The following KCNQ2 variants were observed in gnomAD, a reference collection of about 807,000 sequenced individuals.
KCNQ2 encodes the protein potassium voltage-gated channel subfamily KQT member 2.
In KCNQ2, 14 loss-of-function variants were observed where a neutral mutation model predicts 84.8. That is an observed-to-expected ratio of 0.17 (90% CI 0.11 to 0.26). The LOEUF (loss-of-function observed/expected upper bound fraction) is 0.26. KCNQ2 is among the 10% of genes least tolerant of loss of function. The probability of loss-of-function intolerance (pLI) is 1.00; values close to 1 mark genes in which losing one functional copy is unlikely to be tolerated. For synonymous variants in KCNQ2, 599 were observed against 554.1 expected, an observed-to-expected ratio of 1.08 and a Z score of -1.14; for missense variants, 788 against 1,254.0, an observed-to-expected ratio of 0.63 and a Z score of 5.61.
At chr20:63,429,097 G>A (rs758393371) in intron 9 of KCNQ2, among the ~76,000 whole-genome samples, 12 of 151,642 alleles carry the variant, frequency 7.9e-5, no homozygotes, top group East Asian at 3.9e-4. Flanking sequence ...GTCCGGGCCC[G>A]CCGAAGCCCC....
At chr20:63,439,540 C>T in intron 6 of KCNQ2, 58 bp downstream of exon 6, 1 of 1,334,418 alleles carries the variant, frequency 7.5e-7, no homozygotes, top group Non-Finnish European at 1.1e-6. Flanking sequence ...CTGTGGTCAC[C>T]TCGGGAGCCT....
chr20:63,406,841 A>G lies in KCNQ2; in HGVS notation c.2422T>C (p.Ser808Pro). 1 of 1,612,402 alleles carries G rather than the reference A, an allele frequency of 6.2e-7. No individual in the cohort carries two copies. ...LERSFSGFSI[S>P]QSKENLDALN... ...GCATCCAGGTTCTCCTTGGACTGGG[A>G]GATGCTGAAGCCGCTGAAGGAACGC... The change falls in exon 17 of 17, where the codon TCC becomes CCC. Residue 808 changes from serine (S) to proline (P), a missense_variant. Coordinates refer to ENST00000359125, the MANE Select transcript of KCNQ2 (RefSeq NM_172107.4).
At chr20:63,419,591 T>C (rs1206845395) in intron 12 of KCNQ2, 28 bp downstream of exon 12, 1 of 1,599,744 alleles carries the variant, frequency 6.3e-7, no homozygotes, top group Non-Finnish European at 8.5e-7. Flanking sequence ...GCAGCAGCCG[T>C]CAGTCCGTGC....
At chr20:63,428,903 A>T (rs1568907091) in intron 9 of KCNQ2, among the ~76,000 whole-genome samples, 1 of 152,096 alleles carries the variant, frequency 6.6e-6, no homozygotes, top group Non-Finnish European at 1.5e-5. Context: ...GATACAGAAA[A>T]GGATTCTGCT....
At chr20:63,462,089 G>A (rs1270471069) in intron 1 of KCNQ2, among the ~76,000 whole-genome samples, 1 of 133,782 alleles carries the variant, frequency 7.5e-6, no homozygotes, top group Non-Finnish European at 1.6e-5. Flanking sequence ...CCAGGGAGCA[G>A]GGAAGAGGCT....
At chr20:63,470,636 G>A (rs1333877941) in intron 1 of KCNQ2, among the ~76,000 whole-genome samples, 2 of 152,220 alleles carry the variant, frequency 1.3e-5, no homozygotes, top group East Asian at 3.9e-4. Context: ...CAGACGCAGA[G>A]CGGGGCGCTG....
Position 63,408,826 on chromosome 20 carries a change from C to T in KCNQ2, c.1764-290G>A, listed in dbSNP as rs1208278613. ...ACCAGGGCCGAGTCGCCCGGCTCCTCTCCGTGGGCTCCCGGCTCCATACCG... is the reference window on the plus strand; with the variant it reads ...ACCAGGGCCGAGTCGCCCGGCTCCTTTCCGTGGGCTCCCGGCTCCATACCG... On this transcript the variant is annotated intron_variant, in intron 15 of 16. Coordinates refer to ENST00000359125, the MANE Select transcript of KCNQ2 (RefSeq NM_172107.4). This position sits in a 1 kb window ranked among gnomAD's most constrained non-coding sequence, Gnocchi z 5.0. Among the ~76,000 whole-genome samples the T allele has an allele frequency of 6.6e-6, 1 of 152,198 alleles. No homozygotes were observed. Among genetic ancestry groups the T allele is most frequent in the Non-Finnish European group, 1.5e-5 (1 of 68,020 alleles).
chr20:63,443,179 TCACCATCAC>T (rs1471439367), intron 4 of KCNQ2, among the ~76,000 whole-genome samples: 2 of 54,036 alleles, frequency 3.7e-5, no homozygotes, highest in Admixed American at 2.0e-4. Context: ...CACATCACCA[TCACCATCAC>T]CACCACCACC....
rs751793379 is a variant in KCNQ2, at chr20:63,415,109, T to C, written c.1319A>G (p.Lys440Arg). The C allele has an allele frequency of 6.2e-7, 1 of 1,600,596 alleles. No homozygotes were observed. The highest frequency in any genetic ancestry group is 8.5e-7 in the Non-Finnish European group (1 of 1,179,634). Residue 440 changes from lysine (K) to arginine (R), a missense_variant, in exon 13 of 17, where the codon AAA becomes AGA. Physicochemically the swap from Lys to Arg is conservative, Grantham distance 26. This residue lies in a region of KCNQ2 where 202 missense variants were observed against 239.4 expected (regional missense o/e 0.84). Coordinates refer to ENST00000359125, the MANE Select transcript of KCNQ2 (RefSeq NM_172107.4). Reference protein sequence around the residue: ...PGRSSQKVSLKDRVFSSPRGV... With the variant: ...PGRSSQKVSLRDRVFSSPRGV... ...TCGGGGGCTGGAGAAGACACGATCT[T>C]TCAAACTGACCTTCTGGCTGCTCCC...
intron 11 of KCNQ2, among the ~76,000 whole-genome samples, chr20:63,421,479 C>T (rs570663148): frequency 6.6e-5 from 10 of 152,214 alleles, no homozygotes; most frequent in African/African-American, 2.2e-4. Flanking sequence ...CCCTGGGGTC[C>T]GCAGCTGGCA....
intron 1 of KCNQ2, among the ~76,000 whole-genome samples, chr20:63,450,766 C>T (rs2081590620): frequency 6.6e-6 from 1 of 151,856 alleles, no homozygotes; most frequent in Admixed American, 6.6e-5. Flanking sequence ...CTAACTCCAT[C>T]TTAGGAAAAG....
At position 63,406,151 on chromosome 20, in the gene KCNQ2, G is replaced by A. The variant is rs928384203; in HGVS notation, c.*493C>T. Reference sequence around the variant, plus strand: ...AAGGCAGAGGCCACGCACAGCGGCCGGCCACACCCGCCTGTAGCTGCCCGG... The same window carrying A: ...AAGGCAGAGGCCACGCACAGCGGCCAGCCACACCCGCCTGTAGCTGCCCGG... On this transcript the variant is annotated 3_prime_UTR_variant, in exon 17 of 17. Transcript: ENST00000359125. 1.8e-3 allele frequency: 295 copies of A among 161,828 alleles called. No individual in the cohort carries two copies. Among genetic ancestry groups the A allele is most frequent in the African/African-American group, 6.7e-3 (281 of 41,654 alleles). 10.0% of individuals were successfully genotyped at this position (161,828 alleles called of 1,614,324 possible). A position where few individuals can be genotyped will look rare whatever the true frequency, so the allele number is the denominator to read the frequency against.
chr20:63,427,048 C>T (rs148889057), intron 10 of KCNQ2, among the ~76,000 whole-genome samples: 223 of 152,272 alleles, frequency 1.5e-3, no homozygotes, highest in African/African-American at 5.0e-3. Flanking sequence ...TGGTGAAACC[C>T]CATCTCTACC....
chr20:63,451,481 G>A (rs886597821), intron 1 of KCNQ2, among the ~76,000 whole-genome samples: 2 of 152,128 alleles, frequency 1.3e-5, no homozygotes, highest in African/African-American at 4.8e-5. Context: ...GCCTGCTTGG[G>A]GACTCCACGT....
chr20:63,462,972 C>T (rs1418893573), intron 1 of KCNQ2, among the ~76,000 whole-genome samples: 3 of 152,150 alleles, frequency 2.0e-5, no homozygotes, highest in East Asian at 3.9e-4. Flanking sequence ...TGACCCGGTA[C>T]GGAGATGGGG....
At chr20:63,433,374 C>G (rs1430621238) in intron 8 of KCNQ2, 3 of 279,448 alleles carry the variant, frequency 1.1e-5, no homozygotes, top group East Asian at 1.8e-4. Context: ...TTCCTGCCCC[C>G]CACGCCGGAG....
rs1473766013 is a variant in KCNQ2, at chr20:63,403,935, G to C, written c.*2709C>G. The C allele has an allele frequency of 1.3e-5, 2 of 152,374 alleles. No individual in the cohort carries two copies. The highest frequency in any genetic ancestry group is 2.9e-5 in the Non-Finnish European group (2 of 68,046). The allele number at this position is 152,374 out of a possible 1,614,324, so 9.4% of individuals were successfully genotyped here. On this transcript the variant is annotated 3_prime_UTR_variant, in exon 17 of 17. Transcript: ENST00000359125. ...TGCACTTCTCTGAGGTGGGGCAGTAGGTGGCTGCACTGCTCAGGCTAGAGT... is the reference window on the plus strand; with the variant it reads ...TGCACTTCTCTGAGGTGGGGCAGTACGTGGCTGCACTGCTCAGGCTAGAGT...
chr20:63,471,533 A>G (rs1388003482), intron 1 of KCNQ2, among the ~76,000 whole-genome samples: 1 of 151,556 alleles, frequency 6.6e-6, no homozygotes, highest in Non-Finnish European at 1.5e-5. Context: ...GGCTGCAGAG[A>G]TGGGACAGCG....
chr20:63,423,901 G>A (rs2080548962), intron 11 of KCNQ2: 4 of 529,380 alleles, frequency 7.6e-6, no homozygotes, highest in Admixed American at 7.0e-5. Flanking sequence ...CTTGTGGGCG[G>A]GGTGGGGGAT....
Sources: allele counts gnomAD v4.1 joint callset (sites outside exome capture counted in the v4.1 genomes callset), GRCh38; gene constraint gnomAD v4.1.1; regional missense constraint gnomAD v4.1.1; non-coding constraint Gnocchi (gnomAD v3.1); transcripts MANE v1.5; gene names NCBI Gene and HGNC (gene_info 2026-07-23, HGNC 2026-07-21).